Variants in KLF12 observed in about 807,000 individuals in gnomAD.
KLF12 encodes the protein Krueppel-like factor 12.
Under a neutral mutation model 37.8 loss-of-function variants are expected in KLF12, and 9 were observed. The ratio of observed to expected loss-of-function variants is 0.24; its 90% CI spans 0.14 to 0.42. The LOEUF (loss-of-function observed/expected upper bound fraction) is 0.42, where lower values mean the gene tolerates loss of function less well. Ranked by LOEUF, KLF12 falls within the 10% of genes least tolerant of loss-of-function variation. KLF12 has a pLI of 1.00. For missense variants in KLF12, 411 were observed against 516.0 expected, an observed-to-expected ratio of 0.80 and a Z score of 1.97; for synonymous variants, 208 against 202.1, an observed-to-expected ratio of 1.03 and a Z score of -0.25.
rs575263268 is a variant in KLF12 at position 73,725,391 on chromosome 13, C to T, written c.870-9866G>A. ...CTGGGATTACAGGCGTGAGCCATCA[C>T]GCCGGGCCAGTAATTTTTTAAATGT... On this transcript the variant is annotated intron_variant, in intron 6 of 7. Transcript: ENST00000377669. Among the ~76,000 whole-genome samples, 26 of 152,228 alleles carry T rather than the reference C, an allele frequency of 1.7e-4. No homozygotes were observed. In the South Asian group the frequency reaches 4.2e-3, roughly 24 times the overall value.
At chr13:74,195,468 C>T in the KLF12 span, among the ~76,000 whole-genome samples, 3 of 152,162 alleles carry the variant, frequency 2.0e-5, no homozygotes, top group Non-Finnish European at 4.4e-5. Context: ...AAGGGGTCCT[C>T]ATGCTGTGAA....
At chr13:73,879,224 C>T (rs1372130674) in intron 3 of KLF12, among the ~76,000 whole-genome samples, 3 of 152,166 alleles carry the variant, frequency 2.0e-5, no homozygotes, top group Non-Finnish European at 1.5e-5. Flanking sequence ...TTTATTTCTG[C>T]TTATGCTATT....
chr13:73,793,654 G>T (rs548225827), intron 5 of KLF12, among the ~76,000 whole-genome samples: 43 of 152,070 alleles, frequency 2.8e-4, no homozygotes, highest in Admixed American at 7.9e-4. Context: ...ACTTTTTATT[G>T]TGCCTCTTAT....
Position 73,695,213 on chromosome 13 carries a change from T to G in KLF12, c.*277A>C. The G allele has an allele frequency of 2.6e-6, 1 of 388,754 alleles. No individual in the cohort carries two copies. 24.1% of individuals were successfully genotyped at this position (388,754 alleles called of 1,614,324 possible). A position where few individuals can be genotyped will look rare whatever the true frequency, so the allele number is the denominator to read the frequency against. ...AGAAAATGTACAAGCTACAAACATC[T>G]TTAAATGGCAGAGGACACAGCACGG... On this transcript the variant is annotated 3_prime_UTR_variant, in exon 8 of 8. Coordinates refer to ENST00000377669, the MANE Select transcript of KLF12 (RefSeq NM_007249.5).
intron 2 of KLF12, among the ~76,000 whole-genome samples, chr13:73,963,031 T>C (rs1347188528): frequency 1.3e-5 from 2 of 152,134 alleles, no homozygotes; most frequent in South Asian, 2.1e-4. Flanking sequence ...TCAACACCAA[T>C]AGAAGGGATT....
intron 3 of KLF12, among the ~76,000 whole-genome samples, chr13:73,943,611 C>T (rs1046225970): frequency 5.3e-5 from 8 of 152,186 alleles, no homozygotes; most frequent in Non-Finnish European, 1.2e-4. Context: ...TTTGTCATTT[C>T]CTGATTAGAA....
chr13:73,765,122 T>A, intron 5 of KLF12, 122 bp from the exon 6 acceptor site: 1 of 601,450 alleles, frequency 1.7e-6, no homozygotes, highest in East Asian at 2.8e-5. Flanking sequence ...TCCCCAGAAC[T>A]TGAACCCCTC....
chr13:74,192,074 C>G, the KLF12 span, among the ~76,000 whole-genome samples: 4 of 151,844 alleles, frequency 2.6e-5, no homozygotes, highest in African/African-American at 9.7e-5. Context: ...GCCTTGTAAA[C>G]AAAAGGCAGC....
At chr13:74,285,776 G>A in the KLF12 span, among the ~76,000 whole-genome samples, 2 of 152,266 alleles carry the variant, frequency 1.3e-5, no homozygotes, top group East Asian at 3.9e-4. Context: ...ATATCTATTT[G>A]ATAAATATTT....
chr13:73,851,471 C>A (rs1024729690), intron 3 of KLF12, among the ~76,000 whole-genome samples: 1 of 152,140 alleles, frequency 6.6e-6, no homozygotes, highest in Admixed American at 6.5e-5. Context: ...GATTGGCCCA[C>A]AGGAAGATCA....
chr13:73,774,466 A>G (rs1020291393), intron 5 of KLF12, among the ~76,000 whole-genome samples: 3 of 152,156 alleles, frequency 2.0e-5, no homozygotes, highest in Non-Finnish European at 4.4e-5. Flanking sequence ...CCCAAGCCAG[A>G]ATGTCAGGGC....
intron 1 of KLF12, among the ~76,000 whole-genome samples, chr13:74,008,609 G>T (rs768568817): frequency 1.3e-5 from 2 of 152,208 alleles, no homozygotes; most frequent in African/African-American, 2.4e-5. Context: ...ATTAACTACT[G>T]TATGTGCCAA....
chr13:73,977,422 C>CA (rs1891561839), intron 2 of KLF12, among the ~76,000 whole-genome samples: 1 of 151,958 alleles, frequency 6.6e-6, no homozygotes, highest in South Asian at 2.1e-4. Flanking sequence ...AGCAAAGCCA[C>CA]AAAAAATTAG....
At chr13:73,941,091 T>C (rs1004922987) in intron 3 of KLF12, among the ~76,000 whole-genome samples, 4 of 152,366 alleles carry the variant, frequency 2.6e-5, no homozygotes, top group Non-Finnish European at 5.9e-5. Flanking sequence ...TTGAGATTAG[T>C]ATCTATTTCT....
the KLF12 span, among the ~76,000 whole-genome samples, chr13:74,287,388 G>GAGAGAGAGAGAGAGAGAC: frequency 2.6e-5 from 4 of 151,224 alleles, no homozygotes; most frequent in African/African-American, 9.8e-5. Context: ...GAGAGAGAGA[G>GAGAGAGAGAGAGAGAGAC]AGAGAGAATC....
chr13:74,258,808 C>T, the KLF12 span: 1 of 152,250 alleles, frequency 6.6e-6, no homozygotes, highest in African/African-American at 2.4e-5. Context: ...TTAGTTTCCC[C>T]AGAAGCAGAC....
chr13:74,287,052 C>T, the KLF12 span, among the ~76,000 whole-genome samples: 1 of 152,170 alleles, frequency 6.6e-6, no homozygotes, highest in African/African-American at 2.4e-5. Flanking sequence ...ATGGCTCTTT[C>T]CTAGCCCTGG....
intron 1 of KLF12, among the ~76,000 whole-genome samples, chr13:74,007,773 T>C (rs1892450821): frequency 6.6e-6 from 1 of 152,134 alleles, no homozygotes; most frequent in African/African-American, 2.4e-5. Context: ...ATCACTGATT[T>C]TCGTATGCAG....
chr13:74,088,577 G>A (rs1875461812), intron 1 of KLF12, among the ~76,000 whole-genome samples: 1 of 152,094 alleles, frequency 6.6e-6, no homozygotes, highest in African/African-American at 2.4e-5. Flanking sequence ...GAAAGATGAG[G>A]ACTATTCAGA....
Sources: allele counts gnomAD v4.1 joint callset (sites outside exome capture counted in the v4.1 genomes callset), GRCh38; gene constraint gnomAD v4.1.1; transcripts MANE v1.5; gene names NCBI Gene and HGNC (gene_info 2026-07-23, HGNC 2026-07-21).